The following ATP8A2 variants were observed in gnomAD, a reference collection of about 807,000 sequenced individuals.
ATP8A2 encodes ATPase phospholipid transporting 8A2, also known as phospholipid-transporting ATPase IB.
ATP8A2 carries 100 observed loss-of-function variants against 165.6 expected under a neutral mutation model. The observed-to-expected ratio is 0.60, with a 90% CI of 0.51 to 0.71. ATP8A2 has a LOEUF of 0.71. ATP8A2 is among the 30% of genes least tolerant of loss of function. The probability of loss-of-function intolerance (pLI) is 0.00; values close to 1 mark genes in which losing one functional copy is unlikely to be tolerated. For synonymous variants in ATP8A2, 543 were observed against 548.8 expected, an observed-to-expected ratio of 0.99 and a Z score of 0.15; for missense variants, 1,227 against 1,479.5, an observed-to-expected ratio of 0.83 and a Z score of 2.80.
At chr13:25,430,805 T>A (rs1299287846) in intron 1 of ATP8A2, among the ~76,000 whole-genome samples, 1 of 152,014 alleles carries the variant, frequency 6.6e-6, no homozygotes, top group Non-Finnish European at 1.5e-5. Context: ...ACCATGTTGG[T>A]AAGGCTGGTC....
chr13:25,878,160 G>A (rs992103280), intron 33 of ATP8A2, among the ~76,000 whole-genome samples: 3 of 152,166 alleles, frequency 2.0e-5, no homozygotes, highest in African/African-American at 4.8e-5. Flanking sequence ...CTAAGGAATG[G>A]AAGACAAGAA....
chr13:25,857,938 G>A (rs1952220801), intron 30 of ATP8A2, among the ~76,000 whole-genome samples: 1 of 152,100 alleles, frequency 6.6e-6, no homozygotes, highest in Non-Finnish European at 1.5e-5. Flanking sequence ...AAGGTTTTAT[G>A]TCCTGTCTCC....
chr13:25,853,389 TAA>T (rs58660867), intron 30 of ATP8A2, among the ~76,000 whole-genome samples: 31,383 of 72,100 alleles, frequency 0.44, 3,959 homozygotes, highest in Non-Finnish European at 0.54. Flanking sequence ...AGACTCTATC[TAA>T]AAAAAATATA....
At chr13:25,675,323 A>T (rs2042350043) in intron 24 of ATP8A2, among the ~76,000 whole-genome samples, 1 of 152,204 alleles carries the variant, frequency 6.6e-6, no homozygotes, top group African/African-American at 2.4e-5. Context: ...TTAAGTGCTT[A>T]AAAATGTCTA....
chr13:26,012,475 T>C (rs773124027), intron 35 of ATP8A2, 56 bp from the exon 36 acceptor site: 10 of 1,416,526 alleles, frequency 7.1e-6, no homozygotes, highest in South Asian at 2.6e-5. Flanking sequence ...GTCTGTCTCC[T>C]TGTGCAACCC....
At chr13:25,818,287 T>G (rs1951079184) in intron 27 of ATP8A2, among the ~76,000 whole-genome samples, 1 of 152,182 alleles carries the variant, frequency 6.6e-6, no homozygotes, top group Non-Finnish European at 1.5e-5. Context: ...GGATAATTCA[T>G]AAATTTTTTG....
At chr13:25,835,994 G>A (rs1951593330) in intron 28 of ATP8A2, among the ~76,000 whole-genome samples, 1 of 152,214 alleles carries the variant, frequency 6.6e-6, no homozygotes, top group African/African-American at 2.4e-5. Context: ...GAGGAGGCCA[G>A]CTTTATAGGC....
chr13:25,935,776 T>C (rs545473304), intron 33 of ATP8A2, among the ~76,000 whole-genome samples: 1 of 152,150 alleles, frequency 6.6e-6, no homozygotes, highest in South Asian at 2.1e-4. Context: ...ACCTTCAACG[T>C]GGGGGATCAC....
chr13:25,717,039 G>A (rs1385500995), intron 25 of ATP8A2, among the ~76,000 whole-genome samples: 5 of 152,188 alleles, frequency 3.3e-5, no homozygotes, highest in Non-Finnish European at 5.9e-5. Flanking sequence ...AAAGAAAGGT[G>A]ACTTTAATCA....
intron 1 of ATP8A2, among the ~76,000 whole-genome samples, chr13:25,389,534 A>G (rs945304203): frequency 3.3e-5 from 5 of 152,228 alleles, no homozygotes; most frequent in Non-Finnish European, 4.4e-5. Context: ...TGACTTAGAC[A>G]CCCTGAGAGG....
At chr13:25,719,458 G>C (rs3117857) in intron 25 of ATP8A2, among the ~76,000 whole-genome samples, 26,400 of 151,820 alleles carry the variant, frequency 0.17, 2,810 homozygotes, top group East Asian at 0.38. Context: ...TGGGTGGATG[G>C]GTGGATGGGT....
intron 24 of ATP8A2, among the ~76,000 whole-genome samples, chr13:25,667,923 A>G (rs969642999): frequency 1.3e-5 from 2 of 152,112 alleles, no homozygotes; most frequent in African/African-American, 4.8e-5. Context: ...GTGTAGCTTC[A>G]ATAGCATATA....
chr13:25,754,611 C>A (rs767532944), intron 25 of ATP8A2, among the ~76,000 whole-genome samples: 3 of 152,042 alleles, frequency 2.0e-5, no homozygotes, highest in Non-Finnish European at 2.9e-5. Context: ...GGAGAATTTT[C>A]TGATGTCAAA....
chr13:25,410,047 ATTAGGAGAATGATTTTCTGAATACAT>A (rs2033922429), intron 1 of ATP8A2, among the ~76,000 whole-genome samples: 2 of 150,484 alleles, frequency 1.3e-5, no homozygotes, highest in African/African-American at 4.9e-5. Context: ...GGGTTCAGCC[ATTAGGAGAATGATTTTCTGAATACAT>A]CACATACAAC....
chr13:25,988,990 G>A (rs954380744), intron 35 of ATP8A2, among the ~76,000 whole-genome samples: 5 of 152,216 alleles, frequency 3.3e-5, no homozygotes, highest in Non-Finnish European at 5.9e-5. Context: ...AGTCTTGCAC[G>A]GGCCGTCAGC....
At chr13:25,428,903 T>A (rs984889242) in intron 1 of ATP8A2, among the ~76,000 whole-genome samples, 2 of 151,978 alleles carry the variant, frequency 1.3e-5, no homozygotes, top group African/African-American at 4.8e-5. Context: ...TCTGCTCAAG[T>A]CCCCTTAGTA....
rs369107066 is a variant in ATP8A2, at chr13:25,747,241, C to T, written c.2385-21805C>T. ...TATTCAGTAGCAATAATAGAGGATTCGTGCCTGTTAGAGCCATAGCGCTTG... is the reference window on the plus strand; with the variant it reads ...TATTCAGTAGCAATAATAGAGGATTTGTGCCTGTTAGAGCCATAGCGCTTG... On this transcript the variant is annotated intron_variant, in intron 25 of 36. Transcript: ENST00000381655. 5.3e-5 allele frequency among the ~76,000 whole-genome samples: 8 copies of T among 152,308 alleles called. No homozygotes were observed. The East Asian group carries it at 5.8e-4, about 11-fold the overall frequency.
rs1064795610 is a variant in ATP8A2 at position 25,532,275 on chromosome 13, C to T, written c.424C>T (p.Arg142Ter). The change falls in exon 5 of 37, where the codon CGA (arginine) becomes TGA (stop). Residue 142 changes from arginine (R) to a stop codon, truncating the protein, a stop_gained. Coordinates refer to ENST00000381655, the MANE Select transcript of ATP8A2 (RefSeq NM_016529.6). LOFTEE classifies it high-confidence loss of function. ...GIKEIVEDFK[R>*]HKADNAVNKK... Reference sequence around the variant, plus strand: ...ATTTTTTTTCTTTCTGTAACAGAAGCGACACAAGGCAGACAATGCAGTTAA... The same window carrying T: ...ATTTTTTTTCTTTCTGTAACAGAAGTGACACAAGGCAGACAATGCAGTTAA... 1.2e-6 allele frequency: 2 copies of T among 1,607,696 alleles called. No homozygotes were observed. Among genetic ancestry groups the T allele is most frequent in the Non-Finnish European group, 8.5e-7 (1 of 1,177,528 alleles).
At position 25,738,625 on chromosome 13, in the gene ATP8A2, C is replaced by T. The variant is rs76905499; in HGVS notation, c.2385-30421C>T. ...ATGTGTCTGTGTACCCTAAACACTT[C>T]TGTTTTCAGCTGGCTTGCTTCTGCT... On this transcript the variant is annotated intron_variant, in intron 25 of 36. Coordinates refer to ENST00000381655, the MANE Select transcript of ATP8A2 (RefSeq NM_016529.6). 6.0e-3 allele frequency among the ~76,000 whole-genome samples: 920 copies of T among 152,340 alleles called. 11 individuals carry two copies. Among genetic ancestry groups the T allele is most frequent in the African/African-American group, 0.021 (881 of 41,586 alleles).
Sources: gnomAD v4.1 joint callset for allele counts (sites outside exome capture counted in the v4.1 genomes callset) on GRCh38, gnomAD v4.1.1 for gene constraint, MANE v1.5 for transcripts, NCBI Gene and HGNC (gene_info 2026-07-23, HGNC 2026-07-21) for gene names.